The following DPP10 variants were observed in gnomAD, a reference collection of about 807,000 sequenced individuals.
DPP10 encodes the protein dipeptidyl peptidase like 10, also known as inactive dipeptidyl peptidase 10.
In DPP10, 33 loss-of-function variants were observed where a neutral mutation model predicts 120.9. That is an observed-to-expected ratio of 0.27 (90% CI 0.21 to 0.37). The LOEUF (loss-of-function observed/expected upper bound fraction) is 0.37, where lower values mean the gene tolerates loss of function less well. DPP10 is among the 10% of genes least tolerant of loss of function. The pLI, the probability that DPP10 is intolerant of heterozygous loss-of-function variation, is 1.00. For missense variants in DPP10, 816 were observed against 942.8 expected (o/e 0.87, Z 1.76); for synonymous variants, 337 against 326.1 (o/e 1.03, Z -0.36).
chr2:114,817,113 C>G (rs1685700870), intron 1 of DPP10, among the ~76,000 whole-genome samples: 1 of 152,130 alleles, frequency 6.6e-6, no homozygotes, highest in Non-Finnish European at 1.5e-5. Context: ...ATAAGACCAG[C>G]CATTCATTCC....
At chr2:114,654,459 T>A (rs1306390375) in intron 1 of DPP10, among the ~76,000 whole-genome samples, 1 of 152,142 alleles carries the variant, frequency 6.6e-6, no homozygotes, top group Admixed American at 6.6e-5. Context: ...GAGGAAACTT[T>A]CCTTTGAAAG....
intron 1 of DPP10, among the ~76,000 whole-genome samples, chr2:114,921,490 T>C (rs745698954): frequency 1.4e-4 from 22 of 152,210 alleles, no homozygotes; most frequent in Non-Finnish European, 2.9e-4. Context: ...ATCCCAGTTA[T>C]ATACATTCAT....
At chr2:115,020,204 G>C (rs954344269) in intron 1 of DPP10, among the ~76,000 whole-genome samples, 2 of 152,098 alleles carry the variant, frequency 1.3e-5, no homozygotes. Context: ...TTCCACTTAA[G>C]ATACAGAATG....
intron 1 of DPP10, 94 bp downstream of exon 1, chr2:114,442,932 C>T: frequency 6.9e-7 from 1 of 1,458,636 alleles, no homozygotes; most frequent in Non-Finnish European, 9.5e-7. Flanking sequence ...TGACAGTGGA[C>T]ATACCTACTT....
At chr2:115,748,086 T>G (rs976817182) in intron 10 of DPP10, among the ~76,000 whole-genome samples, 1 of 152,212 alleles carries the variant, frequency 6.6e-6, no homozygotes, top group African/African-American at 2.4e-5. Flanking sequence ...CATGTCCTAT[T>G]AAGTTAATCA....
chr2:115,166,611 C>T (rs1249723636), intron 1 of DPP10, among the ~76,000 whole-genome samples: 1 of 119,692 alleles, frequency 8.4e-6, no homozygotes, highest in Non-Finnish European at 1.8e-5. Context: ...TTATTAAGAA[C>T]ATACAACAAA....
chr2:114,545,148 C>T (rs1309179164), intron 1 of DPP10, among the ~76,000 whole-genome samples: 2 of 151,880 alleles, frequency 1.3e-5, no homozygotes, highest in Non-Finnish European at 2.9e-5. Context: ...CTATGCCAGG[C>T]TCTCAATATA....
At chr2:114,969,824 C>A (rs1002332926) in intron 1 of DPP10, among the ~76,000 whole-genome samples, 41 of 152,256 alleles carry the variant, frequency 2.7e-4, no homozygotes, top group African/African-American at 9.1e-4. Context: ...GCACCTGGCT[C>A]CAAACTGTTT....
At chr2:115,756,833 A>G (rs1679467383) in intron 11 of DPP10, among the ~76,000 whole-genome samples, 1 of 152,036 alleles carries the variant, frequency 6.6e-6, no homozygotes. Context: ...GCATCTGGTG[A>G]GGGACTTCTT....
intron 1 of DPP10, among the ~76,000 whole-genome samples, chr2:115,115,563 G>A (rs982633314): frequency 2.0e-5 from 3 of 152,138 alleles, no homozygotes; most frequent in East Asian, 3.9e-4. Flanking sequence ...ATCTCACAAA[G>A]TCATTAATCA....
chr2:115,130,639 A>T (rs569732949), intron 1 of DPP10, among the ~76,000 whole-genome samples: 1 of 152,058 alleles, frequency 6.6e-6, no homozygotes, highest in Non-Finnish European at 1.5e-5. Flanking sequence ...AGAGCTACTG[A>T]TTCCTTTCAT....
chr2:114,547,817 T>C (rs1171001645), intron 1 of DPP10, among the ~76,000 whole-genome samples: 1 of 152,180 alleles, frequency 6.6e-6, no homozygotes, highest in Non-Finnish European at 1.5e-5. Flanking sequence ...CCTGTCACTG[T>C]GGAAGAGTGT....
intron 3 of DPP10, among the ~76,000 whole-genome samples, chr2:115,492,781 C>T (rs1575007478): frequency 6.6e-6 from 1 of 150,858 alleles, no homozygotes; most frequent in East Asian, 1.9e-4. Context: ...ATTGAAAACC[C>T]AAAACAAACA....
chr2:114,765,667 A>T (rs186630942), intron 1 of DPP10, among the ~76,000 whole-genome samples: 72 of 152,342 alleles, frequency 4.7e-4, no homozygotes, highest in African/African-American at 1.7e-3. Context: ...ACACACAATA[A>T]TTAGCTAAAA....
intron 1 of DPP10, among the ~76,000 whole-genome samples, chr2:114,871,928 G>A (rs943686578): frequency 2.6e-5 from 4 of 152,158 alleles, no homozygotes; most frequent in African/African-American, 9.7e-5. Flanking sequence ...ATTATGAACT[G>A]TGCATGTGAA....
At chr2:114,795,884 A>G (rs1291560312) in intron 1 of DPP10, among the ~76,000 whole-genome samples, 1 of 152,222 alleles carries the variant, frequency 6.6e-6, no homozygotes, top group East Asian at 1.9e-4. Flanking sequence ...CTTACAGACC[A>G]TGCATGGAAC....
At chr2:115,289,260 A>G (rs1574307377) in intron 1 of DPP10, among the ~76,000 whole-genome samples, 1 of 152,176 alleles carries the variant, frequency 6.6e-6, no homozygotes. Flanking sequence ...CACAAGGAAA[A>G]CTACAAAACG....
intron 1 of DPP10, among the ~76,000 whole-genome samples, chr2:114,832,326 G>A (rs924015701): frequency 1.3e-5 from 2 of 152,218 alleles, no homozygotes; most frequent in African/African-American, 2.4e-5. Context: ...GAGGTCAGGA[G>A]ATCGAGACCA....
At position 114,837,660 on chromosome 2, in the gene DPP10, G is replaced by A. The variant is rs1028464505; in HGVS notation, c.60+394822G>A. Among the ~76,000 whole-genome samples, 9 of 152,206 alleles carry A rather than the reference G, an allele frequency of 5.9e-5. No individual in the cohort carries two copies. In the East Asian group the frequency reaches 1.7e-3, roughly 29 times the overall value. Reference sequence around the variant, plus strand: ...AAGTGGCTCTGAACTAGTCAGATTAGGCTCATCTATGCTGTAGTAACAAAC... The same window carrying A: ...AAGTGGCTCTGAACTAGTCAGATTAAGCTCATCTATGCTGTAGTAACAAAC... On this transcript the variant is annotated intron_variant, in intron 1 of 25. Coordinates refer to ENST00000410059, the MANE Select transcript of DPP10 (RefSeq NM_020868.6).
Sources: allele counts gnomAD v4.1 joint callset (sites outside exome capture counted in the v4.1 genomes callset), GRCh38; gene constraint gnomAD v4.1.1; transcripts MANE v1.5; gene names NCBI Gene and HGNC (gene_info 2026-07-23, HGNC 2026-07-21).